The following SDK1 variants were observed in gnomAD, a reference collection of about 807,000 sequenced individuals.
SDK1 encodes the protein sidekick cell adhesion molecule 1, also known as protein sidekick-1.
In SDK1, 157 loss-of-function variants were observed where a neutral mutation model predicts 245.5. The observed-to-expected ratio is 0.64, with a 90% CI of 0.56 to 0.73. The LOEUF (loss-of-function observed/expected upper bound fraction) is 0.73. Among genes scored for constraint, SDK1 ranks in the 30% least tolerant of loss-of-function variants. The pLI, the probability that SDK1 is intolerant of heterozygous loss-of-function variation, is 0.00. For missense variants in SDK1, 3,583 were observed against 3,002.3 expected, an observed-to-expected ratio of 1.19 and a Z score of -4.52; for synonymous variants, 1,647 against 1,278.5, an observed-to-expected ratio of 1.29 and a Z score of -6.15.
At chr7:4,101,914 A>G (rs1033072485) in intron 22 of SDK1, among the ~76,000 whole-genome samples, 40 of 152,110 alleles carry the variant, frequency 2.6e-4, no homozygotes, top group Non-Finnish European at 1.5e-4. Context: ...AGATCGAGAG[A>G]GCCAGCACCC....
At chr7:3,719,907 G>A (rs1415765531) in intron 4 of SDK1, among the ~76,000 whole-genome samples, 3 of 151,886 alleles carry the variant, frequency 2.0e-5, no homozygotes, top group Admixed American at 1.3e-4. Flanking sequence ...AACCCGGGAG[G>A]CGGAAGTTGC....
At chr7:4,030,244 C>A (rs17134196) in intron 17 of SDK1, among the ~76,000 whole-genome samples, 44,455 of 152,176 alleles carry the variant, frequency 0.29, 9,616 homozygotes, top group African/African-American at 0.61. Flanking sequence ...TTCCTCCTAT[C>A]ATAGTCAAGT....
At chr7:3,803,737 A>G (rs1031981994) in intron 4 of SDK1, among the ~76,000 whole-genome samples, 2 of 120,686 alleles carry the variant, frequency 1.7e-5, no homozygotes, top group East Asian at 4.9e-4. Context: ...TGCAACTGGT[A>G]TTTTCCTCTT....
rs561371085 is a variant in SDK1, at chr7:3,428,636, T to C, written c.298+126752T>C. Among the ~76,000 whole-genome samples, 49 of 152,320 alleles carry C rather than the reference T, an allele frequency of 3.2e-4. No homozygotes were observed. In the South Asian group the frequency reaches 8.7e-3, roughly 27 times the overall value. On this transcript the variant is annotated intron_variant, in intron 1 of 44. Coordinates refer to ENST00000404826, the MANE Select transcript of SDK1 (RefSeq NM_152744.4). ...GGTCCATAGCCCTATAGGAACTCTG[T>C]CTGTGCTTAGCTTGGGCTAACCATG...
chr7:4,215,062 C>T (rs915165202), intron 38 of SDK1, among the ~76,000 whole-genome samples: 2 of 152,314 alleles, frequency 1.3e-5, no homozygotes, highest in East Asian at 1.9e-4. Context: ...GCCTCGGGAC[C>T]CTGGCGCTCG....
chr7:4,009,330 C>T lies in SDK1; in HGVS notation c.2132-1636C>T, dbSNP rs556781700. ...CCTTCTACCAACCGAGTCTGGTTGC[C>T]CTGATACTGGGAATGGCCTTTCGTC... is the stretch of plus-strand genomic sequence containing the variant. On this transcript the variant is annotated intron_variant, in intron 14 of 44. Coordinates refer to ENST00000404826, the MANE Select transcript of SDK1 (RefSeq NM_152744.4). Among the ~76,000 whole-genome samples, 5 of 152,304 alleles carry T rather than the reference C, an allele frequency of 3.3e-5. No individual in the cohort carries two copies. In the South Asian group the frequency reaches 8.3e-4, roughly 25 times the overall value.
In SDK1 at chr7:3,774,116, G is replaced by A. The variant is rs185655538; in HGVS notation, c.714-47334G>A. Among the ~76,000 whole-genome samples, 743 of 151,664 alleles carry A rather than the reference G, an allele frequency of 4.9e-3. 6 individuals carry two copies. The highest frequency in any genetic ancestry group is 0.017 in the African/African-American group (717 of 41,318). ...TGTAGTCCTAGTTACTTGGGAGGCT[G>A]AGGCAGGAGAATGGCGTGAACCCAG... On this transcript the variant is annotated intron_variant, in intron 4 of 44. Transcript: ENST00000404826.
intron 14 of SDK1, among the ~76,000 whole-genome samples, chr7:4,001,237 A>G (rs1428248844): frequency 6.6e-6 from 1 of 152,188 alleles, no homozygotes; most frequent in Non-Finnish European, 1.5e-5. Flanking sequence ...CCTGCCAGCT[A>G]TCTCCAGCCT....
chr7:3,692,374 C>G (rs1006899341), intron 4 of SDK1, among the ~76,000 whole-genome samples: 1 of 151,958 alleles, frequency 6.6e-6, no homozygotes, highest in Admixed American at 6.6e-5. Context: ...TGTGTGTGCA[C>G]CTGTGCCCAT....
intron 1 of SDK1, among the ~76,000 whole-genome samples, chr7:3,530,349 T>A (rs1289477500): frequency 1.3e-5 from 2 of 152,176 alleles, no homozygotes; most frequent in African/African-American, 4.8e-5. Flanking sequence ...ACATTTTCAA[T>A]GAAAGTTTAT....
Position 4,114,060 on chromosome 7 carries a change from C to T in SDK1, c.3609C>T (p.Asn1203=), listed in dbSNP as rs138943707. The change falls in exon 25 of 45, where the codon AAC becomes AAT. Residue 1203 remains asparagine, a synonymous_variant. Transcript: ENST00000404826. ...RWVPLPDSQY[N]GNPESVGYRI... is the part of the protein sequence containing the mutation. The stretch of plus-strand genomic sequence containing the variant: ...AGCCCCTGCCGGATTCTCAGTACAA[C>T]GGGAACCCCGAGTCCGTGGGCTACA... 41 of 1,614,026 alleles carry T rather than the reference C, an allele frequency of 2.5e-5. No individual in the cohort carries two copies. Among genetic ancestry groups the T allele is most frequent in the Non-Finnish European group, 3.1e-5 (36 of 1,179,996 alleles).
chr7:3,458,275 C>A (rs188491634), intron 1 of SDK1, among the ~76,000 whole-genome samples: 1 of 151,884 alleles, frequency 6.6e-6, no homozygotes, highest in Non-Finnish European at 1.5e-5. Context: ...TTATTTCTTT[C>A]CCCTGTTGTC....
At chr7:3,501,894 A>G (rs997673229) in intron 1 of SDK1, among the ~76,000 whole-genome samples, 24 of 152,178 alleles carry the variant, frequency 1.6e-4, no homozygotes, top group African/African-American at 5.8e-4. Flanking sequence ...GACATTTGGA[A>G]ATGTAACTAT....
intron 31 of SDK1, among the ~76,000 whole-genome samples, chr7:4,159,849 A>G (rs1781003162): frequency 6.6e-6 from 1 of 152,276 alleles, no homozygotes; most frequent in African/African-American, 2.4e-5. Flanking sequence ...ATTACTCATG[A>G]GAGCTCCTAC....
At chr7:3,647,503 T>G (rs962446123) in intron 4 of SDK1, among the ~76,000 whole-genome samples, 8 of 152,208 alleles carry the variant, frequency 5.3e-5, no homozygotes, top group Admixed American at 1.3e-4. Flanking sequence ...CTCAGCTCAC[T>G]GCAACCTCCA....
At chr7:4,060,248 G>A (rs959184592) in intron 19 of SDK1, among the ~76,000 whole-genome samples, 5 of 152,108 alleles carry the variant, frequency 3.3e-5, no homozygotes, top group South Asian at 2.1e-4. Context: ...CAGCAAAAGC[G>A]ATGCTAAGAG....
chr7:4,155,823 G>A (rs1034628795), intron 30 of SDK1, among the ~76,000 whole-genome samples: 3 of 152,122 alleles, frequency 2.0e-5, no homozygotes, highest in African/African-American at 7.2e-5. Flanking sequence ...CAGCAGGAAA[G>A]GAGGCCGACT....
At position 4,145,924 on chromosome 7, in the gene SDK1, C is replaced by T; in HGVS notation, c.4423+8C>T. 6.3e-7 allele frequency: 1 copy of T among 1,593,214 alleles called. No homozygotes were observed. Among genetic ancestry groups the T allele is most frequent in the African/African-American group, 1.3e-5 (1 of 74,106 alleles). On this transcript the variant is annotated splice_region_variant and intron_variant, in intron 29 of 44. Transcript: ENST00000404826. ...TCACCACCGAGAAGAGAGGTAAGACCTTGGGGGACCCGGGGGTACTGCAGA... is the reference window on the plus strand; with the variant it reads ...TCACCACCGAGAAGAGAGGTAAGACTTTGGGGGACCCGGGGGTACTGCAGA...
intron 4 of SDK1, among the ~76,000 whole-genome samples, chr7:3,753,627 C>T (rs928637045): frequency 6.6e-6 from 1 of 152,176 alleles, no homozygotes; most frequent in Non-Finnish European, 1.5e-5. Flanking sequence ...TACAACCAAG[C>T]CACGTTCTCC....
Sources: gnomAD v4.1 joint callset for allele counts (sites outside exome capture counted in the v4.1 genomes callset) on GRCh38, gnomAD v4.1.1 for gene constraint, MANE v1.5 for transcripts, NCBI Gene and HGNC (gene_info 2026-07-23, HGNC 2026-07-21) for gene names.